NPEPL1: variants seen among roughly 807,000 people sequenced by gnomAD.
The protein encoded by NPEPL1 is aminopeptidase like 1, also known as probable aminopeptidase NPEPL1.
Under a neutral mutation model 52.4 loss-of-function variants are expected in NPEPL1, and 45 were observed. The ratio of observed to expected loss-of-function variants is 0.86; its 90% confidence interval spans 0.68 to 1.10. NPEPL1 has a LOEUF of 1.10. Among genes scored for constraint, NPEPL1 ranks in the 50% least tolerant of loss-of-function variants. NPEPL1 has a pLI of 0.00. For synonymous variants in NPEPL1, 360 were observed against 314.7 expected (o/e 1.14, Z -1.52); for missense variants, 696 against 710.9 (o/e 0.98, Z 0.24).
chr20:58,698,822 CA>C, intron 4 of NPEPL1, 49 bp downstream of exon 4: 2 of 1,524,580 alleles, frequency 1.3e-6, no homozygotes, highest in Non-Finnish European at 1.8e-6. Flanking sequence ...GGGTGGGTGT[CA>C]TAGACTCCCA....
chr20:58,707,343 C>T (rs1002094497), intron 7 of NPEPL1, 143 bp downstream of exon 7: 3 of 811,284 alleles, frequency 3.7e-6, no homozygotes, highest in South Asian at 3.6e-5. Context: ...CCTCTGCCCC[C>T]AGGCTCTTCT....
Position 58,713,985 on chromosome 20 carries a change from G to C in NPEPL1, c.1194G>C (p.Val398=). Residue 398 remains valine, a synonymous_variant, in exon 10 of 12, where the codon GTG becomes GTC. Transcript: ENST00000356091. This position sits in a 1 kb window ranked among gnomAD's most constrained non-coding sequence, Gnocchi z 4.6. ...GCGCTGAGTGGGAGGCCGCCTGTGTGAAGGCGGGCAGGAAGTGTGGGGACC... is the reference window on the plus strand; with the variant it reads ...GCGCTGAGTGGGAGGCCGCCTGTGTCAAGGCGGGCAGGAAGTGTGGGGACC... The part of the protein sequence containing the change: ...TNSAEWEAAC[V]KAGRKCGDLV... 6.6e-7 allele frequency: 1 copy of C among 1,523,838 alleles called. No individual in the cohort carries two copies. Among genetic ancestry groups the C allele is most frequent in the Non-Finnish European group, 8.8e-7 (1 of 1,138,906 alleles). The allele number at this position is 1,523,838 out of a possible 1,614,324, so 94.4% of individuals were successfully genotyped here.
At chr20:58,710,045 TTTTTTTTC>T (rs1345205403) in intron 7 of NPEPL1, among the ~76,000 whole-genome samples, 4 of 144,316 alleles carry the variant, frequency 2.8e-5, no homozygotes, top group African/African-American at 1.1e-4. Flanking sequence ...TTTTTTTTTT[TTTTTTTTC>T]CCCGAGATGG....
intron 3 of NPEPL1, among the ~76,000 whole-genome samples, chr20:58,697,334 C>G (rs770589761): frequency 6.6e-6 from 1 of 152,254 alleles, no homozygotes; most frequent in Non-Finnish European, 1.5e-5. Flanking sequence ...GACACCTGGC[C>G]TCCTTGGAGG....
chr20:58,690,898 T>C (rs577667155), upstream of NPEPL1: 23 of 487,738 alleles, frequency 4.7e-5, no homozygotes, highest in South Asian at 9.7e-4. Flanking sequence ...CCCTCTTCAG[T>C]TTGCAAAATT....
At chr20:58,707,300 C>A in intron 7 of NPEPL1, 100 bp downstream of exon 7, 1 of 1,100,428 alleles carries the variant, frequency 9.1e-7, no homozygotes, top group Non-Finnish European at 1.3e-6. Context: ...CACCAGGGTC[C>A]TACCCGAGTC....
chr20:58,715,208 C>CG lies in NPEPL1; in HGVS notation c.1455dup (p.Leu486AlafsTer7). 2 of 1,607,822 alleles carry CG rather than the reference C, an allele frequency of 1.2e-6. No homozygotes were observed. Among genetic ancestry groups the CG allele is most frequent in the Non-Finnish European group, 1.7e-6 (2 of 1,178,530 alleles). On this transcript the variant is annotated frameshift_variant, in exon 12 of 12. Transcript: ENST00000356091. LOFTEE classifies it high-confidence loss of function. ...GGCTTCGGTGTGGCCCTCCTGCTGG[C>CG]GCTCTTCGGCCGTGCCTCTGAGGAC...
chr20:58,690,981 C>G, upstream of NPEPL1: 1 of 637,746 alleles, frequency 1.6e-6, no homozygotes, highest in South Asian at 1.8e-5. Context: ...CTGTTCTAAC[C>G]ACACAGGTTT....
At position 58,701,167 on chromosome 20, in the gene NPEPL1, CG is replaced by C. The variant is rs2084609610; in HGVS notation, c.822+12del. 4 of 1,457,094 alleles carry C rather than the reference CG, an allele frequency of 2.7e-6. No individual in the cohort carries two copies. Among genetic ancestry groups the C allele is most frequent in the Non-Finnish European group, 3.7e-6 (4 of 1,090,606 alleles). 90.3% of individuals were successfully genotyped at this position (1,457,094 alleles called of 1,614,324 possible). On this transcript the variant is annotated intron_variant, in intron 6 of 11. Coordinates refer to ENST00000356091, the MANE Select transcript of NPEPL1 (RefSeq NM_024663.4). ...TCAGCATCAAAGGGAAGGTGAGGTGCGGGCTGGCTCTCAGGGTGCCCTGGGG... is the reference window on the plus strand; with the variant it reads ...TCAGCATCAAAGGGAAGGTGAGGTGCGGCTGGCTCTCAGGGTGCCCTGGGG...
At chr20:58,702,397 T>A (rs2084648461) in intron 6 of NPEPL1, among the ~76,000 whole-genome samples, 1 of 152,236 alleles carries the variant, frequency 6.6e-6, no homozygotes, top group Admixed American at 6.5e-5. Flanking sequence ...AGGGTGGCGC[T>A]GGTGCAGCTC....
rs1048599596 is a variant in NPEPL1 at position 58,713,123 on chromosome 20, G to T, written c.1002-297G>T. 5 of 401,146 alleles carry T rather than the reference G, an allele frequency of 1.2e-5. No homozygotes were observed. Among genetic ancestry groups the T allele is most frequent in the Admixed American group, 3.8e-5 (1 of 26,050 alleles). 24.8% of individuals were successfully genotyped at this position (401,146 alleles called of 1,614,324 possible). A position where few individuals can be genotyped will look rare whatever the true frequency, so the allele number is the denominator to read the frequency against. On this transcript the variant is annotated intron_variant, in intron 8 of 11. Transcript: ENST00000356091. This position sits in a 1 kb window ranked among gnomAD's most constrained non-coding sequence, Gnocchi z 4.6. The stretch of plus-strand genomic sequence containing the variant: ...GCACAGTGTGCTGAAGGCCAGCCCA[G>T]CCGGTTCATGCCACCCACTTTACAG...
chr20:58,691,364 C>CTTTTTT (rs59929508), upstream of NPEPL1: 9 of 177,312 alleles, frequency 5.1e-5, no homozygotes, highest in Non-Finnish European at 7.7e-5. Context: ...CATTCAACAG[C>CTTTTTT]TTTTTTTTTT....
rs146085546 is a variant in NPEPL1 at position 58,711,947 on chromosome 20, G to A, written c.901-532G>A. On this transcript the variant is annotated intron_variant, in intron 7 of 11. Transcript: ENST00000356091. ...TGACATTGCTGCCCGGGTGTGGCCC[G>A]CTTCGGGGTCAGGGGGCACCCTTAG... Among the ~76,000 whole-genome samples the A allele has an allele frequency of 8.0e-3, 851 of 106,244 alleles. 4 individuals are homozygous for A. The highest frequency in any genetic ancestry group is 0.014 in the Non-Finnish European group (593 of 41,058). 69.7% of individuals were successfully genotyped at this position (106,244 alleles called of 152,430 possible).
intron 11 of NPEPL1, 79 bp downstream of exon 11, chr20:58,714,749 C>G (rs1365426862): frequency 1.6e-5 from 18 of 1,123,468 alleles, no homozygotes; most frequent in Non-Finnish European, 2.2e-5. Context: ...TCTGGAGCTG[C>G]TGGCAGAGCT....
intron 7 of NPEPL1, among the ~76,000 whole-genome samples, chr20:58,709,345 A>G (rs1359193172): frequency 6.6e-6 from 1 of 152,202 alleles, no homozygotes; most frequent in Non-Finnish European, 1.5e-5. Context: ...TTACCCAGAG[A>G]ATAAAATCAG....
At chr20:58,698,125 G>A (rs1435621252) in intron 3 of NPEPL1, among the ~76,000 whole-genome samples, 1 of 152,252 alleles carries the variant, frequency 6.6e-6, no homozygotes, top group Admixed American at 6.5e-5. Context: ...ACGGCCCAGA[G>A]GGAAGGCGTC....
In NPEPL1 at chr20:58,704,371, T is replaced by TG. The variant is rs1466376228; in HGVS notation, c.823-2750dup. The TG allele has an allele frequency of 5.1e-6, 5 of 985,302 alleles. No homozygotes were observed. The African/African-American group carries it at 8.7e-5, about 17-fold the overall frequency. 61.0% of individuals were successfully genotyped at this position (985,302 alleles called of 1,614,324 possible). A position where few individuals can be genotyped will look rare whatever the true frequency, so the allele number is the denominator to read the frequency against. ...GACTAGCAGGCCTCAAATGCATTAC[T>TG]GGAGACCCCTTTACGCTCTTAACAA... On this transcript the variant is annotated intron_variant, in intron 6 of 11. Transcript: ENST00000356091.
In NPEPL1 at chr20:58,711,023, G is replaced by A. The variant is rs1377738745; in HGVS notation, c.901-1456G>A. 5 of 150,580 alleles carry A rather than the reference G, an allele frequency of 3.3e-5. No individual in the cohort carries two copies. The East Asian group carries it at 7.8e-4, about 24-fold the overall frequency. 9.3% of individuals were successfully genotyped at this position (150,580 alleles called of 1,614,324 possible). A position where few individuals can be genotyped will look rare whatever the true frequency, so the allele number is the denominator to read the frequency against. ...CCTTCAGCGGGTAGCAGCCCTCCCT[G>A]GGAGGCTGAAAGCATCCATTTGGGA... On this transcript the variant is annotated intron_variant, in intron 7 of 11. Coordinates refer to ENST00000356091, the MANE Select transcript of NPEPL1 (RefSeq NM_024663.4).
At chr20:58,693,161 C>T in intron 1 of NPEPL1, 111 bp downstream of exon 1, 1 of 769,618 alleles carries the variant, frequency 1.3e-6, no homozygotes, top group Non-Finnish European at 1.6e-6. Flanking sequence ...GGGCCGGGCC[C>T]AACGAGGCCG....
Sources: allele counts gnomAD v4.1 joint callset (sites outside exome capture counted in the v4.1 genomes callset), GRCh38; gene constraint gnomAD v4.1.1; non-coding constraint Gnocchi (gnomAD v3.1); transcripts MANE v1.5; gene names NCBI Gene and HGNC (gene_info 2026-07-23, HGNC 2026-07-21).